The following LINGO2 variants were observed in gnomAD, a reference collection of about 807,000 sequenced individuals.
LINGO2 encodes the protein leucine rich repeat and Ig domain containing 2.
LINGO2 carries 14 observed loss-of-function variants against 30.6 expected under a neutral mutation model. The observed-to-expected ratio is 0.46, with a 90% CI of 0.30 to 0.72. The LOEUF is 0.72. LINGO2 is among the 30% of genes least tolerant of loss of function. The probability of loss-of-function intolerance (pLI) is 0.07; values close to 1 mark genes in which losing one functional copy is unlikely to be tolerated. For synonymous variants in LINGO2, 317 were observed against 288.5 expected (o/e 1.10, Z -1.00); for missense variants, 729 against 751.7 (o/e 0.97, Z 0.35).
intron 1 of LINGO2, among the ~76,000 whole-genome samples, chr9:28,481,958 A>G (rs1299453896): frequency 1.3e-4 from 20 of 152,072 alleles, no homozygotes; most frequent in Non-Finnish European, 2.6e-4. Flanking sequence ...TGAACTCATC[A>G]TTTTTTATGG....
chr9:28,328,463 A>T lies in LINGO2; in HGVS notation c.-245-33097T>A, dbSNP rs548345298. 1.2e-4 allele frequency among the ~76,000 whole-genome samples: 18 copies of T among 152,146 alleles called. No homozygotes were observed. In the South Asian group the frequency reaches 3.7e-3, roughly 32 times the overall value. On this transcript the variant is annotated intron_variant, in intron 3 of 5. Coordinates refer to ENST00000379992, the Ensembl canonical transcript of LINGO2. ...TATGCCTTCAGCATCCTTGTAGAATATGTTGTTCTTATCTCTAAGGGGCTG... is the reference window on the plus strand; with the variant it reads ...TATGCCTTCAGCATCCTTGTAGAATTTGTTGTTCTTATCTCTAAGGGGCTG...
the LINGO2 span, among the ~76,000 whole-genome samples, chr9:29,146,030 A>G: frequency 2.2e-4 from 34 of 152,286 alleles, no homozygotes; most frequent in African/African-American, 8.2e-4. Flanking sequence ...GTAAGTGAAC[A>G]AATATAAAAC....
In LINGO2 at chr9:28,601,738, C is replaced by T. The variant is rs890519579; in HGVS notation, c.-365+68462G>A. 2.6e-5 allele frequency among the ~76,000 whole-genome samples: 4 copies of T among 152,030 alleles called. No homozygotes were observed. In the South Asian group the frequency reaches 8.3e-4, roughly 31 times the overall value. On this transcript the variant is annotated intron_variant, in intron 1 of 5. Transcript: ENST00000379992. ...TAAAACTCCTGCTGAGAAAGAAGTA[C>T]CTACAAAAATCCCCTCAAGTCCTCA...
chr9:28,894,335 T>C, the LINGO2 span, among the ~76,000 whole-genome samples: 1 of 152,138 alleles, frequency 6.6e-6, no homozygotes. Flanking sequence ...TATTTTATCA[T>C]GGATAATAAT....
chr9:28,820,432 A>G, the LINGO2 span, among the ~76,000 whole-genome samples: 2 of 152,188 alleles, frequency 1.3e-5, no homozygotes, highest in Non-Finnish European at 2.9e-5. Flanking sequence ...AAAAGATGCA[A>G]GCAGTATAAC....
chr9:28,626,093 C>T (rs559846621), intron 1 of LINGO2, among the ~76,000 whole-genome samples: 2 of 152,208 alleles, frequency 1.3e-5, no homozygotes, highest in African/African-American at 4.8e-5. Flanking sequence ...TTTGTATTCT[C>T]ATTCTTTTAA....
chr9:28,665,866 AC>A (rs1563902718), intron 1 of LINGO2, among the ~76,000 whole-genome samples: 3 of 151,504 alleles, frequency 2.0e-5, no homozygotes, highest in African/African-American at 4.8e-5. Context: ...TATGATGAGT[AC>A]CAGACCATAG....
At chr9:28,246,805 A>C (rs935592284) in intron 4 of LINGO2, among the ~76,000 whole-genome samples, 36 of 152,216 alleles carry the variant, frequency 2.4e-4, no homozygotes, top group Non-Finnish European at 4.9e-4. Context: ...CTATCGTTAG[A>C]TTGAACAGGC....
intron 5 of LINGO2, among the ~76,000 whole-genome samples, chr9:27,999,972 G>C (rs770359894): frequency 6.6e-6 from 1 of 151,902 alleles, no homozygotes; most frequent in African/African-American, 2.4e-5. Context: ...TATACATGAT[G>C]TCAAATAATT....
At chr9:28,401,832 C>A (rs1822280654) in intron 2 of LINGO2, among the ~76,000 whole-genome samples, 1 of 152,126 alleles carries the variant, frequency 6.6e-6, no homozygotes, top group Admixed American at 6.6e-5. Context: ...GCCATTCTGA[C>A]TGGCATGAGA....
chr9:28,552,350 G>A (rs900193074), intron 1 of LINGO2, among the ~76,000 whole-genome samples: 2 of 152,044 alleles, frequency 1.3e-5, no homozygotes, highest in African/African-American at 2.4e-5. Context: ...ATAACTGCAC[G>A]GGAGATAAAA....
At chr9:29,054,882 T>C in the LINGO2 span, among the ~76,000 whole-genome samples, 3 of 152,058 alleles carry the variant, frequency 2.0e-5, no homozygotes, top group South Asian at 2.1e-4. Flanking sequence ...CTTGGATATA[T>C]TGAGTATTAA....
At chr9:28,675,905 G>GTATATATATATATATATATATA in the LINGO2 span, among the ~76,000 whole-genome samples, 12 of 126,060 alleles carry the variant, frequency 9.5e-5, no homozygotes, top group Non-Finnish European at 1.5e-4. Flanking sequence ...GTGTGTGTAT[G>GTATATATATATATATATATATA]TATATATATA....
At chr9:28,056,222 A>G (rs1824936874) in intron 4 of LINGO2, among the ~76,000 whole-genome samples, 1 of 152,090 alleles carries the variant, frequency 6.6e-6, no homozygotes, top group South Asian at 2.1e-4. Flanking sequence ...AACAGGCTTC[A>G]GATGTGCCTA....
intron 1 of LINGO2, among the ~76,000 whole-genome samples, chr9:28,518,793 T>C (rs1198173062): frequency 6.6e-6 from 1 of 152,214 alleles, no homozygotes; most frequent in Admixed American, 6.5e-5. Context: ...GAGGGCTCCA[T>C]GTCACATAAA....
At chr9:28,834,025 T>C in the LINGO2 span, among the ~76,000 whole-genome samples, 1 of 152,082 alleles carries the variant, frequency 6.6e-6, no homozygotes, top group Non-Finnish European at 1.5e-5. Context: ...TTGTTTCTTT[T>C]TTTTTTTTTC....
chr9:28,240,739 T>C (rs1294706653), intron 4 of LINGO2, among the ~76,000 whole-genome samples: 1 of 152,088 alleles, frequency 6.6e-6, no homozygotes, highest in African/African-American at 2.4e-5. Context: ...TGGGCAAAAA[T>C]TTCTTGAGTA....
At chr9:28,436,883 G>A (rs552705089) in intron 2 of LINGO2, among the ~76,000 whole-genome samples, 2 of 152,314 alleles carry the variant, frequency 1.3e-5, no homozygotes, top group African/African-American at 2.4e-5. Flanking sequence ...GGTAAGGAAC[G>A]GTTCCTGGAG....
chr9:29,014,454 A>G, the LINGO2 span, among the ~76,000 whole-genome samples: 2 of 152,158 alleles, frequency 1.3e-5, no homozygotes, highest in Non-Finnish European at 2.9e-5. Context: ...ATGGAGCTTT[A>G]TAGTCTTCAA....
Sources: gnomAD v4.1 joint callset for allele counts (sites outside exome capture counted in the v4.1 genomes callset) on GRCh38, gnomAD v4.1.1 for gene constraint, MANE v1.5 for transcripts, NCBI Gene and HGNC (gene_info 2026-07-23, HGNC 2026-07-21) for gene names.